Variants in PLCH2 observed in about 807,000 individuals in gnomAD.
PLCH2 encodes the protein 1-phosphatidylinositol 4,5-bisphosphate phosphodiesterase eta-2.
In PLCH2, 98 loss-of-function variants were observed where a neutral mutation model predicts 134.7. The observed-to-expected ratio is 0.73, with a 90% CI of 0.62 to 0.86. The LOEUF (loss-of-function observed/expected upper bound fraction) is 0.86, where lower values mean the gene tolerates loss of function less well. PLCH2 is among the 40% of genes least tolerant of loss of function. The pLI is 0.00. For missense variants in PLCH2, 1,994 were observed against 1,986.6 expected (o/e 1.00, Z -0.07); for synonymous variants, 974 against 827.5 (o/e 1.18, Z -3.04).
chr1:2,459,651 G>GGTGGTCCTCCTTGCCT (rs766930989), intron 2 of PLCH2, among the ~76,000 whole-genome samples: 1,732 of 46,500 alleles, frequency 0.037, 258 homozygotes, highest in African/African-American at 0.088. Flanking sequence ...CTTCCTTTCC[G>GGTGGTCCTCCTTGCCT]GTGGTCCTCC....
intron 2 of PLCH2, among the ~76,000 whole-genome samples, chr1:2,435,466 GGAGGC>G (rs1639285623): frequency 4.6e-5 from 7 of 151,168 alleles, no homozygotes; most frequent in African/African-American, 1.7e-4. Flanking sequence ...GCTGGAGGCT[GGAGGC>G]TGGAGGCTGG....
At chr1:2,441,338 G>A (rs896589939) in intron 2 of PLCH2, among the ~76,000 whole-genome samples, 3 of 152,240 alleles carry the variant, frequency 2.0e-5, no homozygotes, top group Non-Finnish European at 2.9e-5. Flanking sequence ...CATCCGGCCT[G>A]GGTTTGGCTT....
At chr1:2,493,931 G>A (rs1642731433) in intron 11 of PLCH2, 1 of 153,138 alleles carries the variant, frequency 6.5e-6, no homozygotes, top group Non-Finnish European at 1.5e-5. Flanking sequence ...GTGTGTGCAG[G>A]GGCGTGCTGT....
At chr1:2,486,169 G>A (rs1404422477) in intron 5 of PLCH2, among the ~76,000 whole-genome samples, 1 of 152,200 alleles carries the variant, frequency 6.6e-6, no homozygotes, top group Non-Finnish European at 1.5e-5. Context: ...GGGATTGGCA[G>A]GCAGAAGTGA....
At chr1:2,503,698 T>C in intron 21 of PLCH2, 1 of 647,518 alleles carries the variant, frequency 1.5e-6, no homozygotes, top group East Asian at 2.7e-5. Flanking sequence ...GAGGGCCCCG[T>C]GTGCGGCACA....
chr1:2,434,849 A>G (rs1639249820), intron 2 of PLCH2, among the ~76,000 whole-genome samples: 1 of 152,214 alleles, frequency 6.6e-6, no homozygotes, highest in Non-Finnish European at 1.5e-5. Context: ...ACCCCCGGGC[A>G]GAATCAGCTG....
At chr1:2,459,233 CTTGT>C (rs1162504162) in intron 2 of PLCH2, among the ~76,000 whole-genome samples, 4 of 152,266 alleles carry the variant, frequency 2.6e-5, no homozygotes, top group South Asian at 2.1e-4. Context: ...CCCTCTCTGG[CTTGT>C]TTATTTTGTC....
rs1642366805 is a variant in PLCH2, at chr1:2,487,800, A to C, written c.1235+82A>C. 8 of 1,330,390 alleles carry C rather than the reference A, an allele frequency of 6.0e-6. No individual in the cohort carries two copies. In the East Asian group the frequency reaches 1.9e-4, roughly 31 times the overall value. 82.4% of individuals were successfully genotyped at this position (1,330,390 alleles called of 1,614,324 possible). On this transcript the variant is annotated intron_variant, in intron 8 of 21. Coordinates refer to ENST00000378486, the MANE Select transcript of PLCH2 (RefSeq NM_014638.4). The stretch of plus-strand genomic sequence containing the variant: ...GGCTCTAGCTCTTCCTGCCACACCC[A>C]CATGTCCTTTCTTTGGGAGCAGTGA...
intron 2 of PLCH2, among the ~76,000 whole-genome samples, chr1:2,442,001 T>C (rs1372192267): frequency 6.6e-6 from 1 of 152,062 alleles, no homozygotes; most frequent in East Asian, 1.9e-4. Context: ...GCACAGAGTC[T>C]CCAGGGCTGT....
intron 1 of PLCH2, chr1:2,467,787 C>T: frequency 2.5e-6 from 1 of 398,258 alleles, no homozygotes; most frequent in Non-Finnish European, 4.4e-6. Context: ...ACTGACCCCC[C>T]GTGGGCAGTG....
the PLCH2 span, among the ~76,000 whole-genome samples, chr1:2,418,620 C>T: frequency 6.6e-6 from 1 of 152,224 alleles, no homozygotes; most frequent in Non-Finnish European, 1.5e-5. Context: ...GGGCTCCCCA[C>T]GAGGCTGCTC....
intron 1 of PLCH2, among the ~76,000 whole-genome samples, chr1:2,426,563 A>T (rs1414129720): frequency 6.6e-6 from 1 of 152,146 alleles, no homozygotes; most frequent in East Asian, 1.9e-4. Context: ...TCCCACGCTG[A>T]CCTAGGGCTG....
rs1200111992 is a variant in PLCH2 at position 2,450,560 on chromosome 1, GCCCCCTAACTCCCCACCTT to G, written c.115+19938_115+19956del. Among the ~76,000 whole-genome samples the G allele has an allele frequency of 7.3e-3, 280 of 38,592 alleles. 2 individuals are homozygous for G. The highest frequency in any genetic ancestry group is 0.032 in the African/African-American group (266 of 8,402). 25.3% of individuals were successfully genotyped at this position (38,592 alleles called of 152,430 possible). A position where few individuals can be genotyped will look rare whatever the true frequency, so the allele number is the denominator to read the frequency against. ...CCGCTTGCCCCCCAATTCCCCACCT[GCCCCCTAACTCCCCACCTT>G]CCCCCTCACTCCCCACCTGCCCCCC... is the stretch of plus-strand genomic sequence containing the variant. On this transcript the variant is annotated intron_variant, in intron 2 of 3. Transcript: ENST00000609981.
upstream of PLCH2, among the ~76,000 whole-genome samples, chr1:2,474,131 G>A (rs982412767): frequency 6.6e-5 from 10 of 151,852 alleles, no homozygotes; most frequent in South Asian, 2.1e-4. Flanking sequence ...GGCTGGGCTC[G>A]CCTGCCGGCA....
rs529532890 is a variant in PLCH2 at position 2,497,566 on chromosome 1, C to T, written c.2181C>T (p.Asn727=). 80 of 1,563,974 alleles carry T rather than the reference C, an allele frequency of 5.1e-5. 1 individual carries two copies. Among genetic ancestry groups the T allele is most frequent in the South Asian group, 4.8e-4 (41 of 84,720 alleles). ...LQLNRAKFSA[N]GGCGYVLKPG... is the part of the protein sequence containing the mutation. ...TGAACCGAGCCAAGTTCAGCGCCAA[C>T]GGTGGCTGCGGCTACGTACTCAAGC... The change falls in exon 16 of 22, where the codon AAC becomes AAT. Residue 727 remains asparagine (N), a synonymous_variant. Transcript: ENST00000378486.
At chr1:2,469,783 C>CA (rs1473169306) in intron 1 of PLCH2, among the ~76,000 whole-genome samples, 1 of 152,210 alleles carries the variant, frequency 6.6e-6, no homozygotes, top group East Asian at 1.9e-4. Context: ...GGGCGCGGGC[C>CA]TCCCGTGTGG....
At chr1:2,449,744 G>A (rs1640106038) in intron 2 of PLCH2, among the ~76,000 whole-genome samples, 1 of 152,208 alleles carries the variant, frequency 6.6e-6, no homozygotes, top group Non-Finnish European at 1.5e-5. Flanking sequence ...CTGCTGAGAT[G>A]AGCCAGCAGT....
intron 2 of PLCH2, among the ~76,000 whole-genome samples, chr1:2,456,077 G>A (rs750447673): frequency 2.0e-5 from 3 of 152,252 alleles, no homozygotes; most frequent in East Asian, 1.9e-4. Flanking sequence ...AGGAAACAGC[G>A]TCGCCTGGGG....
intron 2 of PLCH2, among the ~76,000 whole-genome samples, chr1:2,456,833 C>T (rs1039933906): frequency 2.0e-5 from 3 of 152,080 alleles, no homozygotes; most frequent in Non-Finnish European, 4.4e-5. Context: ...CTAGGGCCAG[C>T]GGAGGGGCCC....
Sources: gnomAD v4.1 joint callset for allele counts (sites outside exome capture counted in the v4.1 genomes callset) on GRCh38, gnomAD v4.1.1 for gene constraint, MANE v1.5 for transcripts, NCBI Gene and HGNC (gene_info 2026-07-23, HGNC 2026-07-21) for gene names.